G3BP2: variants seen among roughly 807,000 people sequenced by gnomAD.
G3BP2 encodes the protein ras GTPase-activating protein-binding protein 2.
A neutral mutation model predicts 56.7 loss-of-function variants in G3BP2; 11 were observed. The observed-to-expected ratio is 0.19, with a 90% CI of 0.12 to 0.32. The LOEUF is 0.32. Among genes scored for constraint, G3BP2 ranks in the 10% least tolerant of loss-of-function variants. The pLI, the probability that G3BP2 is intolerant of heterozygous loss-of-function variation, is 1.00. For synonymous variants in G3BP2, 165 were observed against 191.6 expected, an observed-to-expected ratio of 0.86 and a Z score of 1.15; for missense variants, 340 against 610.9, an observed-to-expected ratio of 0.56 and a Z score of 4.67.
chr4:75,655,195 CTCAGGT>C lies in G3BP2; in HGVS notation c.591_596del (p.Pro200_Glu201del), dbSNP rs1560615140. The stretch of plus-strand genomic sequence containing the variant: ...CTTCAGTCTTTGTTTCAGATTCTGG[CTCAGGT>C]TCAGGTTCATGAGAGGATTCTTCCA... On this transcript the variant is annotated inframe_deletion, in exon 7 of 12. Transcript: ENST00000359707. The C allele has an allele frequency of 6.2e-7, 1 of 1,613,632 alleles. No homozygotes were observed. Among genetic ancestry groups the C allele is most frequent in the Non-Finnish European group, 8.5e-7 (1 of 1,179,704 alleles).
At chr4:75,695,848 C>T (rs1188368513) in intron 3 of G3BP2, among the ~76,000 whole-genome samples, 1 of 151,960 alleles carries the variant, frequency 6.6e-6, no homozygotes, top group Non-Finnish European at 1.5e-5. Context: ...GTGGTGGGCC[C>T]CTGTAATCCC....
At chr4:75,683,283 C>A (rs1006534955) in intron 3 of G3BP2, among the ~76,000 whole-genome samples, 1 of 151,846 alleles carries the variant, frequency 6.6e-6, no homozygotes, top group South Asian at 2.1e-4. Flanking sequence ...AGATGTAGGC[C>A]GAGCACGGTA....
intron 3 of G3BP2, among the ~76,000 whole-genome samples, chr4:75,694,629 T>C (rs1388945057): frequency 6.6e-6 from 1 of 151,778 alleles, no homozygotes; most frequent in Non-Finnish European, 1.5e-5. Flanking sequence ...AGACTCCTAC[T>C]CGGGAGGGTG....
At chr4:75,674,718 A>ATATT (rs1241041465), upstream of G3BP2, among the ~76,000 whole-genome samples, 4 of 71,428 alleles carry the variant, frequency 5.6e-5, no homozygotes, top group Non-Finnish European at 7.5e-5. Context: ...ATATATATAT[A>ATATT]TTTTTTTTTT....
chr4:75,696,141 G>T (rs1195183552), intron 3 of G3BP2, among the ~76,000 whole-genome samples: 2 of 152,104 alleles, frequency 1.3e-5, no homozygotes, highest in African/African-American at 4.8e-5. Flanking sequence ...TAGACCAAAA[G>T]CAGGTAACCT....
intron 8 of G3BP2, among the ~76,000 whole-genome samples, chr4:75,652,106 C>T (rs997327665): frequency 1.3e-5 from 2 of 152,092 alleles, no homozygotes; most frequent in Non-Finnish European, 2.9e-5. Flanking sequence ...AAATTCTAAA[C>T]ATTTAAAATT....
intron 1 of G3BP2, among the ~76,000 whole-genome samples, chr4:75,667,444 T>C (rs896674434): frequency 6.6e-6 from 1 of 152,098 alleles, no homozygotes; most frequent in Non-Finnish European, 1.5e-5. Context: ...AAAAGTTAAA[T>C]ACAATATATC....
chr4:75,652,826 C>T (rs1425047515), intron 8 of G3BP2, among the ~76,000 whole-genome samples: 1 of 152,144 alleles, frequency 6.6e-6, no homozygotes. Context: ...ACAAAAAGTG[C>T]TTCACACAAT....
intron 3 of G3BP2, among the ~76,000 whole-genome samples, chr4:75,690,237 C>G (rs1271925917): frequency 6.6e-6 from 1 of 152,100 alleles, no homozygotes; most frequent in East Asian, 1.9e-4. Flanking sequence ...AGTTCGAAAC[C>G]AGCCTGGCCA....
intron 3 of G3BP2, among the ~76,000 whole-genome samples, chr4:75,697,949 A>AAAC (rs1719190610): frequency 1.0e-5 from 1 of 97,168 alleles, no homozygotes; most frequent in South Asian, 3.3e-4. Context: ...AACAAACAAA[A>AAAC]AACACAAAAA....
intron 11 of G3BP2, 116 bp from the exon 12 acceptor site, chr4:75,645,818 C>A: frequency 1.1e-6 from 1 of 872,482 alleles, no homozygotes; most frequent in South Asian, 1.7e-5. Context: ...ATCAGCCCCC[C>A]ACCCCCCAGA....
chr4:75,675,908 T>C (rs1733859583), upstream of G3BP2, among the ~76,000 whole-genome samples: 1 of 152,198 alleles, frequency 6.6e-6, no homozygotes, highest in African/African-American at 2.4e-5. Flanking sequence ...CTGTTGCATA[T>C]TCCTCTCTCT....
At chr4:75,670,572 A>C (rs1038126259) in intron 1 of G3BP2, 3 of 152,228 alleles carry the variant, frequency 2.0e-5, no homozygotes, top group Admixed American at 2.0e-4. Flanking sequence ...ATTAAAAGTG[A>C]CCAAGCAGTA....
At chr4:75,666,210 T>C (rs189185268) in intron 1 of G3BP2, among the ~76,000 whole-genome samples, 26 of 152,310 alleles carry the variant, frequency 1.7e-4, no homozygotes, top group Non-Finnish European at 3.2e-4. Flanking sequence ...ATACCATCAA[T>C]TTAGAACAGA....
intron 3 of G3BP2, among the ~76,000 whole-genome samples, chr4:75,704,996 CT>C (rs1332510735): frequency 6.6e-6 from 1 of 152,186 alleles, no homozygotes; most frequent in Non-Finnish European, 1.5e-5. Context: ...CCCAGGACAG[CT>C]TTGAATGTGG....
chr4:75,660,979 G>T (rs1732503615), intron 2 of G3BP2, among the ~76,000 whole-genome samples: 1 of 151,976 alleles, frequency 6.6e-6, no homozygotes, highest in Non-Finnish European at 1.5e-5. Flanking sequence ...TTTTACAAAG[G>T]AATACTATTT....
At chr4:75,700,852 T>C (rs1014081699) in intron 3 of G3BP2, among the ~76,000 whole-genome samples, 1 of 152,144 alleles carries the variant, frequency 6.6e-6, no homozygotes, top group African/African-American at 2.4e-5. Flanking sequence ...AATTTTATTT[T>C]TTTGAGGTGG....
intron 3 of G3BP2, among the ~76,000 whole-genome samples, chr4:75,714,420 A>G (rs1719860776): frequency 6.6e-6 from 1 of 152,208 alleles, no homozygotes; most frequent in Non-Finnish European, 1.5e-5. Flanking sequence ...TGAGGTCAGG[A>G]GTTCGAGACC....
At chr4:75,673,581 C>G (rs1414581077), upstream of G3BP2, 2 of 1,231,860 alleles carry the variant, frequency 1.6e-6, no homozygotes, top group Non-Finnish European at 2.0e-6. Flanking sequence ...CGCACACGCT[C>G]GCGCCCGGAA....
Sources: allele counts gnomAD v4.1 joint callset (sites outside exome capture counted in the v4.1 genomes callset), GRCh38; gene constraint gnomAD v4.1.1; transcripts MANE v1.5; gene names NCBI Gene and HGNC (gene_info 2026-07-23, HGNC 2026-07-21).